The following PHKB variants were observed in gnomAD, a reference collection of about 807,000 sequenced individuals.
PHKB encodes the protein phosphorylase kinase regulatory subunit beta, also known as phosphorylase b kinase regulatory subunit beta.
In PHKB, 122 loss-of-function variants were observed where a neutral mutation model predicts 152.1. The observed-to-expected ratio is 0.80, with a 90% CI of 0.69 to 0.93. The LOEUF is 0.93. Among genes scored for constraint, PHKB ranks in the 40% least tolerant of loss-of-function variants. The pLI, the probability that PHKB is intolerant of heterozygous loss-of-function variation, is 0.00. For missense variants in PHKB, 1,304 were observed against 1,328.4 expected, an observed-to-expected ratio of 0.98 and a Z score of 0.29; for synonymous variants, 436 against 464.9, an observed-to-expected ratio of 0.94 and a Z score of 0.80.
intron 7 of PHKB, among the ~76,000 whole-genome samples, chr16:47,557,468 T>C (rs954625443): frequency 2.6e-5 from 4 of 152,040 alleles, no homozygotes; most frequent in African/African-American, 9.7e-5. Context: ...GGGAGAAAAT[T>C]TTCGCAACCT....
chr16:47,501,596 C>T (rs993701540), intron 3 of PHKB, among the ~76,000 whole-genome samples: 6 of 152,022 alleles, frequency 3.9e-5, no homozygotes, highest in South Asian at 2.1e-4. Flanking sequence ...TCATGATGTT[C>T]GTAGCTTACT....
chr16:47,566,473 C>T (rs1971568989), intron 7 of PHKB: 1 of 1,608,544 alleles, frequency 6.2e-7, no homozygotes, highest in Non-Finnish European at 8.5e-7. Flanking sequence ...TCAAATTCAG[C>T]ATAACCAAAA....
At chr16:47,599,897 G>A (rs913298657) in intron 13 of PHKB, among the ~76,000 whole-genome samples, 128 of 152,232 alleles carry the variant, frequency 8.4e-4, no homozygotes, top group African/African-American at 2.9e-3. Flanking sequence ...TTGTATACTA[G>A]CCCTAAGAAC....
chr16:47,610,295 C>T (rs947844393), intron 13 of PHKB, among the ~76,000 whole-genome samples: 6 of 151,630 alleles, frequency 4.0e-5, no homozygotes, highest in Non-Finnish European at 8.8e-5. Flanking sequence ...AGGCGTGACC[C>T]ACTGTGCCCA....
intron 1 of PHKB, among the ~76,000 whole-genome samples, chr16:47,465,374 G>A (rs1304269718): frequency 2.6e-5 from 4 of 152,156 alleles, no homozygotes; most frequent in African/African-American, 7.2e-5. Context: ...TAGCTTTTAT[G>A]CATCAACAGT....
chr16:47,642,250 T>C (rs2151726934), intron 16 of PHKB, among the ~76,000 whole-genome samples: 2 of 152,334 alleles, frequency 1.3e-5, no homozygotes, highest in Middle Eastern at 6.8e-3. Context: ...AATTTCAACC[T>C]CTTTGGTTTG....
intron 5 of PHKB, among the ~76,000 whole-genome samples, chr16:47,514,963 C>T (rs1970571652): frequency 6.6e-6 from 1 of 152,070 alleles, no homozygotes; most frequent in Non-Finnish European, 1.5e-5. Flanking sequence ...TATGTTCCTG[C>T]AGTTGTTTAC....
At chr16:47,463,940 TG>T in intron 1 of PHKB, 1 of 1,614,174 alleles carries the variant, frequency 6.2e-7, no homozygotes, top group African/African-American at 1.3e-5. Context: ...CAATTTGAAA[TG>T]GCCTGCTCAC....
chr16:47,478,164 C>A (rs1371126763), intron 1 of PHKB, among the ~76,000 whole-genome samples: 1 of 152,086 alleles, frequency 6.6e-6, no homozygotes, highest in East Asian at 1.9e-4. Context: ...AAAGCAGAGT[C>A]TAGCAATTAT....
At chr16:47,568,308 G>A (rs1971602430) in intron 7 of PHKB, among the ~76,000 whole-genome samples, 1 of 152,140 alleles carries the variant, frequency 6.6e-6, no homozygotes, top group Non-Finnish European at 1.5e-5. Flanking sequence ...AGATTTTCTA[G>A]CTTGTGCACA....
chr16:47,463,684 A>C (rs1360153175), intron 1 of PHKB: 1 of 512,472 alleles, frequency 2.0e-6, no homozygotes, highest in Non-Finnish European at 3.5e-6. Flanking sequence ...AGTGGATATT[A>C]TATAGTTTCT....
chr16:47,528,224 G>A (rs1349357375), intron 6 of PHKB, among the ~76,000 whole-genome samples: 3 of 152,148 alleles, frequency 2.0e-5, no homozygotes, highest in African/African-American at 7.2e-5. Context: ...GAGCTTTGAA[G>A]GGTCAGACCT....
intron 6 of PHKB, among the ~76,000 whole-genome samples, chr16:47,544,634 G>A (rs1244671985): frequency 6.6e-6 from 1 of 152,176 alleles, no homozygotes; most frequent in African/African-American, 2.4e-5. Context: ...TTCACATCCT[G>A]GATATCCTTG....
chr16:47,568,991 T>C (rs1971613836), intron 7 of PHKB, among the ~76,000 whole-genome samples: 2 of 152,318 alleles, frequency 1.3e-5, no homozygotes, highest in African/African-American at 2.4e-5. Context: ...ATGTATACCC[T>C]GCAGTTTTCA....
intron 7 of PHKB, among the ~76,000 whole-genome samples, chr16:47,550,917 A>G (rs145042477): frequency 1.3e-5 from 2 of 152,146 alleles, no homozygotes. Flanking sequence ...CTATTCAGGG[A>G]TTCGACTTCT....
chr16:47,553,811 C>T lies in PHKB; in HGVS notation c.710+6263C>T, dbSNP rs115084585. 3.2e-3 allele frequency among the ~76,000 whole-genome samples: 494 copies of T among 152,274 alleles called. 3 individuals carry two copies. The highest frequency in any genetic ancestry group is 0.011 in the African/African-American group (465 of 41,572). ...GTCAGGGCCCTCTGCCACAGGTCTG[C>T]TGGACTTTGCTGGAGGTCCACTCCA... On this transcript the variant is annotated intron_variant, in intron 7 of 30. Transcript: ENST00000323584.
At chr16:47,569,506 C>T (rs999636512) in intron 7 of PHKB, among the ~76,000 whole-genome samples, 19 of 152,202 alleles carry the variant, frequency 1.2e-4, no homozygotes, top group African/African-American at 4.1e-4. Flanking sequence ...CATTTACATT[C>T]GAAAATAGTA....
chr16:47,689,530 G>A (rs1460078606), intron 27 of PHKB, among the ~76,000 whole-genome samples: 1 of 152,164 alleles, frequency 6.6e-6, no homozygotes, highest in Admixed American at 6.5e-5. Context: ...TTGGCAGATA[G>A]GATTGGGTTT....
intron 28 of PHKB, among the ~76,000 whole-genome samples, chr16:47,694,654 A>G (rs933279137): frequency 2.6e-5 from 4 of 152,264 alleles, no homozygotes; most frequent in Admixed American, 2.6e-4. Context: ...TTTGACTGTC[A>G]GTGCAGGGCC....
Sources: allele counts gnomAD v4.1 joint callset (sites outside exome capture counted in the v4.1 genomes callset), GRCh38; gene constraint gnomAD v4.1.1; transcripts MANE v1.5; gene names NCBI Gene and HGNC (gene_info 2026-07-23, HGNC 2026-07-21).